GREB1: variants seen among roughly 807,000 people sequenced by gnomAD.
GREB1 encodes the protein protein GREB1.
GREB1 carries 106 observed loss-of-function variants against 200.7 expected under a neutral mutation model. That is an observed-to-expected ratio of 0.53 (90% CI 0.45 to 0.62). The LOEUF is 0.62. GREB1 is among the 20% of genes least tolerant of loss of function. The pLI is 0.00. For missense variants in GREB1, 2,243 were observed against 2,556.8 expected (o/e 0.88, Z 2.65); for synonymous variants, 1,132 against 1,092.4 (o/e 1.04, Z -0.72).
chr2:11,606,261 T>C (rs1558622774), intron 17 of GREB1, among the ~76,000 whole-genome samples: 2 of 152,240 alleles, frequency 1.3e-5, no homozygotes, highest in Non-Finnish European at 2.9e-5. Flanking sequence ...AGTTCAAACC[T>C]GTGTTATTCA....
chr2:11,587,005 G>A (rs1318001416), intron 9 of GREB1, among the ~76,000 whole-genome samples: 4 of 152,172 alleles, frequency 2.6e-5, no homozygotes, highest in Non-Finnish European at 5.9e-5. Context: ...GCTTGGAGGT[G>A]CAGGCAGGGC....
intron 23 of GREB1, among the ~76,000 whole-genome samples, chr2:11,624,534 G>A (rs912837719): frequency 1.3e-5 from 2 of 151,318 alleles, no homozygotes; most frequent in East Asian, 1.9e-4. Context: ...TAGTAGATAC[G>A]GGGTTTTACC....
At chr2:11,488,736 A>G (rs1456829494) in intron 1 of GREB1, among the ~76,000 whole-genome samples, 1 of 149,162 alleles carries the variant, frequency 6.7e-6, no homozygotes, top group Non-Finnish European at 1.5e-5. Flanking sequence ...GGTTGCAGTG[A>G]GCCGAGCCTG....
chr2:11,489,468 A>G (rs1448884960), intron 1 of GREB1, among the ~76,000 whole-genome samples: 2 of 152,210 alleles, frequency 1.3e-5, no homozygotes, highest in Non-Finnish European at 2.9e-5. Context: ...TGGGGGAAAA[A>G]AAAATAAATA....
chr2:11,562,335 C>A, intron 2 of GREB1, 128 bp from the exon 3 acceptor site: 1 of 1,188,548 alleles, frequency 8.4e-7, no homozygotes, highest in Non-Finnish European at 1.2e-6. Context: ...GGGTGGAACC[C>A]ATTCTGGATT....
intron 1 of GREB1, among the ~76,000 whole-genome samples, chr2:11,518,915 A>G (rs1202882470): frequency 1.3e-5 from 2 of 151,174 alleles, no homozygotes; most frequent in Non-Finnish European, 2.9e-5. Flanking sequence ...TGGCTAACAT[A>G]CAGTGAAACT....
intron 1 of GREB1, among the ~76,000 whole-genome samples, chr2:11,516,571 A>T (rs1016380514): frequency 2.0e-5 from 3 of 152,116 alleles, no homozygotes; most frequent in African/African-American, 7.2e-5. Context: ...CCCCACCCCA[A>T]GTCCCAGCTG....
intron 16 of GREB1, 21 bp from the exon 17 acceptor site, chr2:11,602,385 C>G: frequency 6.2e-7 from 1 of 1,611,316 alleles, no homozygotes; most frequent in Non-Finnish European, 8.5e-7. Context: ...TTGGAGTGAC[C>G]GACGCTCTTC....
intron 19 of GREB1, among the ~76,000 whole-genome samples, chr2:11,613,121 C>T (rs1683088151): frequency 6.6e-6 from 1 of 152,158 alleles, no homozygotes; most frequent in Non-Finnish European, 1.5e-5. Context: ...AGTGGACTGT[C>T]TCAAAAGATG....
At chr2:11,588,086 T>G in intron 9 of GREB1, 1 of 466,978 alleles carries the variant, frequency 2.1e-6, no homozygotes, top group Non-Finnish European at 2.8e-6. Flanking sequence ...ATTGGCCGGG[T>G]GTGGTGGTGA....
intron 30 of GREB1, among the ~76,000 whole-genome samples, chr2:11,637,151 G>C (rs1424916597): frequency 2.0e-5 from 3 of 152,148 alleles, no homozygotes; most frequent in Non-Finnish European, 4.4e-5. Flanking sequence ...CGAGGAGGTC[G>C]GTATGGAGGA....
In GREB1 at chr2:11,587,467, T is replaced by G. The variant is rs1431687233; in HGVS notation, c.1160-1279T>G. 5 of 1,612,974 alleles carry G rather than the reference T, an allele frequency of 3.1e-6. No individual in the cohort carries two copies. In the South Asian group the frequency reaches 3.3e-5, roughly 11 times the overall value. On this transcript the variant is annotated intron_variant, in intron 9 of 32. Transcript: ENST00000381486. ...GGAGCTTATGAGAGGCGTGAATTCA[T>G]GGACCCATCCTGGAATCAGAATCAG...
At chr2:11,586,781 G>A (rs1250201550) in intron 9 of GREB1, among the ~76,000 whole-genome samples, 2 of 152,232 alleles carry the variant, frequency 1.3e-5, no homozygotes, top group African/African-American at 4.8e-5. Flanking sequence ...ACTGGACGGG[G>A]TATTCAGGAA....
At chr2:11,636,010 C>T (rs1287369257) in intron 30 of GREB1, among the ~76,000 whole-genome samples, 2 of 152,212 alleles carry the variant, frequency 1.3e-5, no homozygotes, top group Non-Finnish European at 2.9e-5. Flanking sequence ...GCCCTAATGC[C>T]ACCAGCTGCC....
At chr2:11,634,379 C>T (rs761305905) in intron 29 of GREB1, 30 bp downstream of exon 29, 22 of 1,571,426 alleles carry the variant, frequency 1.4e-5, no homozygotes, top group East Asian at 1.4e-4. Context: ...GCAGAGGCGG[C>T]GGCAGCCCTG....
At chr2:11,482,979 C>T (rs1672541993) in intron 1 of GREB1, among the ~76,000 whole-genome samples, 1 of 151,230 alleles carries the variant, frequency 6.6e-6, no homozygotes, top group Non-Finnish European at 1.5e-5. Context: ...AGCGGTCCCT[C>T]CGGGCGGCAG....
chr2:11,634,030 G>A, intron 28 of GREB1, 101 bp from the exon 29 acceptor site: 1 of 1,117,402 alleles, frequency 8.9e-7, no homozygotes, highest in Non-Finnish European at 1.4e-6. Context: ...CCGTCCAGGT[G>A]TTCACGGCAG....
At chr2:11,578,999 G>A (rs1032755610) in intron 6 of GREB1, among the ~76,000 whole-genome samples, 2 of 152,188 alleles carry the variant, frequency 1.3e-5, no homozygotes, top group African/African-American at 4.8e-5. Flanking sequence ...TACATGCTTG[G>A]CACTTCACCA....
intron 3 of GREB1, among the ~76,000 whole-genome samples, chr2:11,565,975 C>T (rs1677595219): frequency 6.6e-6 from 1 of 152,042 alleles, no homozygotes; most frequent in Admixed American, 6.6e-5. Flanking sequence ...CATGGTGGCA[C>T]CGATACACAA....
Sources: gnomAD v4.1 joint callset for allele counts (sites outside exome capture counted in the v4.1 genomes callset) on GRCh38, gnomAD v4.1.1 for gene constraint, MANE v1.5 for transcripts, NCBI Gene and HGNC (gene_info 2026-07-23, HGNC 2026-07-21) for gene names.